Variants in HSPA12A observed in about 807,000 individuals in gnomAD.
HSPA12A encodes the protein heat shock protein family A (Hsp70) member 12A.
In HSPA12A, 28 loss-of-function variants were observed where a neutral mutation model predicts 69.2. The observed-to-expected ratio is 0.40, with a 90% CI of 0.30 to 0.55. The LOEUF is 0.55. Ranked by LOEUF, HSPA12A falls within the 20% of genes least tolerant of loss-of-function variation. The pLI is 0.38. For missense variants in HSPA12A, 686 were observed against 900.7 expected (o/e 0.76, Z 3.05); for synonymous variants, 345 against 370.5 (o/e 0.93, Z 0.79).
chr10:116,688,503 C>T (rs940048437), intron 6 of HSPA12A, among the ~76,000 whole-genome samples: 1 of 152,226 alleles, frequency 6.6e-6, no homozygotes, highest in Non-Finnish European at 1.5e-5. Flanking sequence ...GTGGTGTTTA[C>T]ACCAACTACT....
chr10:116,712,385 C>T (rs924651416), intron 1 of HSPA12A, among the ~76,000 whole-genome samples: 1 of 152,164 alleles, frequency 6.6e-6, no homozygotes, highest in African/African-American at 2.4e-5. Flanking sequence ...CAAATCCTGG[C>T]CAACAAGTCT....
intron 1 of HSPA12A, among the ~76,000 whole-genome samples, chr10:116,845,568 G>T (rs1564838734): frequency 6.6e-6 from 1 of 152,010 alleles, no homozygotes; most frequent in East Asian, 1.9e-4. Context: ...TCTCTCCGTG[G>T]ATATGTTCCA....
Position 116,705,236 on chromosome 10 carries a change from C to G in HSPA12A, c.169G>C (p.Val57Leu). 1 of 1,614,184 alleles carries G rather than the reference C, an allele frequency of 6.2e-7. No homozygotes were observed. ...GTCCCAAAGTCGACGGCCACCACCA[C>G]GAGAAATGACTGCTGTTCTGAGACG... ...SNVSEQQSFL[V>L]VVAVDFGTTS... Residue 57 changes from valine to leucine, a missense_variant, in exon 3 of 12, where the codon GTG becomes CTG. Val to Leu is a conservative substitution (Grantham distance 32, BLOSUM62 1). Transcript: ENST00000369209.
chr10:116,742,546 G>C lies in HSPA12A; in HGVS notation c.-77C>G. 2 of 1,176,066 alleles carry C rather than the reference G, an allele frequency of 1.7e-6. No homozygotes were observed. The highest frequency in any genetic ancestry group is 2.1e-6 in the Non-Finnish European group (2 of 952,332). The allele number at this position is 1,176,066 out of a possible 1,614,324, so 72.9% of individuals were successfully genotyped here. A position where few individuals can be genotyped will look rare whatever the true frequency, so the allele number is the denominator to read the frequency against. ...CGTGCGGGTCTCTGTCCGCGTCCGC[G>C]GCGGCGCTCGGGCCGTGTCTGAGCC... On this transcript the variant is annotated 5_prime_UTR_variant, in exon 1 of 12. Transcript: ENST00000369209.
intron 2 of HSPA12A, among the ~76,000 whole-genome samples, chr10:116,774,124 C>T (rs957614369): frequency 9.2e-5 from 14 of 151,746 alleles, no homozygotes; most frequent in Non-Finnish European, 1.6e-4. Flanking sequence ...ATTCTCCTGC[C>T]TCAGCCTCCC....
At chr10:116,811,029 T>C (rs756240535) in intron 2 of HSPA12A, among the ~76,000 whole-genome samples, 3 of 151,852 alleles carry the variant, frequency 2.0e-5, no homozygotes, top group Non-Finnish European at 4.4e-5. Context: ...AAACAAACCA[T>C]AGGGATAAGA....
At chr10:116,687,214 C>A (rs782134537) in intron 6 of HSPA12A, among the ~76,000 whole-genome samples, 1 of 152,198 alleles carries the variant, frequency 6.6e-6, no homozygotes, top group Non-Finnish European at 1.5e-5. Flanking sequence ...CTGGGCTGGC[C>A]TCAGCTCCAC....
chr10:116,741,482 C>G (rs1851503800), intron 1 of HSPA12A, among the ~76,000 whole-genome samples: 1 of 152,234 alleles, frequency 6.6e-6, no homozygotes, highest in African/African-American at 2.4e-5. Flanking sequence ...CTCTCCCCGG[C>G]GGCCGCTCTC....
chr10:116,711,733 G>A (rs1850437703), intron 1 of HSPA12A, among the ~76,000 whole-genome samples: 1 of 143,116 alleles, frequency 7.0e-6, no homozygotes, highest in South Asian at 2.2e-4. Context: ...GTGCGATCTC[G>A]GCTCACTGCA....
intron 1 of HSPA12A, among the ~76,000 whole-genome samples, chr10:116,716,021 C>T (rs1850591983): frequency 6.6e-6 from 1 of 152,154 alleles, no homozygotes; most frequent in Non-Finnish European, 1.5e-5. Flanking sequence ...AACAGATGTC[C>T]AGCCACCAGC....
intron 2 of HSPA12A, among the ~76,000 whole-genome samples, chr10:116,769,647 A>C (rs913652822): frequency 7.9e-5 from 12 of 152,206 alleles, no homozygotes; most frequent in Admixed American, 2.0e-4. Context: ...GACTTAGAGC[A>C]CTTCATGGCT....
At chr10:116,676,286 G>T in intron 11 of HSPA12A, 113 bp downstream of exon 11, 1 of 844,040 alleles carries the variant, frequency 1.2e-6, no homozygotes, top group Non-Finnish European at 2.0e-6. Context: ...CTTGCCTGTG[G>T]CTCCCAGATC....
intron 2 of HSPA12A, among the ~76,000 whole-genome samples, chr10:116,789,857 C>G (rs1382164477): frequency 1.3e-5 from 2 of 152,104 alleles, no homozygotes; most frequent in African/African-American, 4.8e-5. Context: ...GACTACGGGT[C>G]AGGTTCACCG....
intron 1 of HSPA12A, among the ~76,000 whole-genome samples, chr10:116,728,317 T>C (rs1257396365): frequency 1.3e-5 from 1 of 76,750 alleles, no homozygotes; most frequent in African/African-American, 3.9e-5. Flanking sequence ...ATGCATTTTC[T>C]ACTAATGATA....
At chr10:116,684,020 G>T (rs1849501157) in intron 6 of HSPA12A, 58 bp from the exon 7 acceptor site, 1 of 1,434,180 alleles carries the variant, frequency 7.0e-7, no homozygotes, top group African/African-American at 1.4e-5. Flanking sequence ...CTGCTCCTAG[G>T]ACACCCGTGC....
At chr10:116,813,767 C>T (rs946861557) in intron 2 of HSPA12A, among the ~76,000 whole-genome samples, 1 of 151,942 alleles carries the variant, frequency 6.6e-6, no homozygotes, top group Non-Finnish European at 1.5e-5. Flanking sequence ...ACCTGTAGTC[C>T]CAGCTACTTG....
chr10:116,790,164 G>A (rs944905175), intron 2 of HSPA12A, among the ~76,000 whole-genome samples: 1 of 142,876 alleles, frequency 7.0e-6, no homozygotes, highest in Non-Finnish European at 1.5e-5. Context: ...TGCAGTGGCG[G>A]GATCTCGGCT....
At chr10:116,721,449 C>T (rs1053370542) in intron 1 of HSPA12A, among the ~76,000 whole-genome samples, 1 of 152,170 alleles carries the variant, frequency 6.6e-6, no homozygotes, top group Non-Finnish European at 1.5e-5. Context: ...CAGGGTGCCC[C>T]CTCTATCCCA....
intron 2 of HSPA12A, among the ~76,000 whole-genome samples, chr10:116,781,718 A>G (rs1554891825): frequency 6.6e-6 from 1 of 152,002 alleles, no homozygotes; most frequent in African/African-American, 2.4e-5. Context: ...TTTTTAATCA[A>G]TCTCTCAGCT....
Sources: allele counts gnomAD v4.1 joint callset (sites outside exome capture counted in the v4.1 genomes callset), GRCh38; gene constraint gnomAD v4.1.1; transcripts MANE v1.5; gene names NCBI Gene and HGNC (gene_info 2026-07-23, HGNC 2026-07-21).